DENND2A: variants seen among roughly 807,000 people sequenced by gnomAD.
The protein encoded by DENND2A is DENN domain-containing protein 2A.
Under a neutral mutation model 105.3 loss-of-function variants are expected in DENND2A, and 53 were observed. The observed-to-expected ratio is 0.50, with a 90% CI of 0.40 to 0.63. DENND2A has a LOEUF of 0.63. Among genes scored for constraint, DENND2A ranks in the 30% least tolerant of loss-of-function variants. The pLI is 0.00. For missense variants in DENND2A, 1,138 were observed against 1,279.6 expected (o/e 0.89, Z 1.69); for synonymous variants, 522 against 508.4 (o/e 1.03, Z -0.36).
At chr7:140,628,602 C>T (rs985837944) in intron 1 of DENND2A, among the ~76,000 whole-genome samples, 9 of 143,822 alleles carry the variant, frequency 6.3e-5, no homozygotes, top group East Asian at 2.0e-4. Flanking sequence ...TGCAGTGGCG[C>T]GATCTCAGCT....
intron 16 of DENND2A, among the ~76,000 whole-genome samples, chr7:140,524,160 G>A (rs1795961564): frequency 6.6e-6 from 1 of 152,130 alleles, no homozygotes; most frequent in Admixed American, 6.5e-5. Context: ...GGCCTACCCT[G>A]TGGGCCTTGA....
At chr7:140,571,128 TG>T (rs1188142766) in intron 6 of DENND2A, among the ~76,000 whole-genome samples, 1 of 152,006 alleles carries the variant, frequency 6.6e-6, no homozygotes, top group Non-Finnish European at 1.5e-5. Context: ...AAATATAGGA[TG>T]GTAATCAATT....
intron 1 of DENND2A, among the ~76,000 whole-genome samples, chr7:140,618,833 T>G (rs543972872): frequency 6.6e-6 from 1 of 152,150 alleles, no homozygotes; most frequent in Non-Finnish European, 1.5e-5. Context: ...AGACGGAGTC[T>G]TGCTCTGTCG....
In DENND2A at chr7:140,523,910, CCCA is replaced by C. The variant is rs1374130070; in HGVS notation, c.2548-489_2548-487del. Among the ~76,000 whole-genome samples the C allele has an allele frequency of 3.9e-5, 6 of 152,118 alleles. No homozygotes were observed. Among genetic ancestry groups the C allele is most frequent in the African/African-American group, 1.4e-4 (6 of 41,388 alleles). ...TACAAGCAACGGGAGCCTCGTTTTC[CCCA>C]CTTGTAAAATGGACTACCAATCAAT... On this transcript the variant is annotated intron_variant, in intron 16 of 19. Coordinates refer to ENST00000496613, the MANE Select transcript of DENND2A (RefSeq NM_015689.5). The surrounding 1 kb of genome is among the most constrained non-coding windows in gnomAD (Gnocchi z 4.5).
intron 18 of DENND2A, among the ~76,000 whole-genome samples, chr7:140,520,609 A>T (rs1311334366): frequency 6.7e-6 from 1 of 150,184 alleles, no homozygotes; most frequent in Admixed American, 6.6e-5. Flanking sequence ...CCCAGGCTGG[A>T]GTGTAATGGT....
At chr7:140,564,296 A>ACAC (rs11407278) in intron 9 of DENND2A, among the ~76,000 whole-genome samples, 155 of 142,022 alleles carry the variant, frequency 1.1e-3, no homozygotes, top group African/African-American at 2.3e-3. Context: ...AAAAAAAAAA[A>ACAC]ATACACACAC....
At chr7:140,548,135 A>C (rs1796980140) in intron 12 of DENND2A, among the ~76,000 whole-genome samples, 1 of 152,136 alleles carries the variant, frequency 6.6e-6, no homozygotes, top group South Asian at 2.1e-4. Flanking sequence ...TAGGTCGCCC[A>C]GGCTTGCCTT....
intron 3 of DENND2A, among the ~76,000 whole-genome samples, chr7:140,594,751 C>T (rs1269266937): frequency 6.6e-6 from 1 of 152,152 alleles, no homozygotes; most frequent in Non-Finnish European, 1.5e-5. Flanking sequence ...TTTATTTTCG[C>T]TCTGTCGCCA....
chr7:140,607,679 C>G (rs560107739), intron 1 of DENND2A, among the ~76,000 whole-genome samples: 1 of 152,328 alleles, frequency 6.6e-6, no homozygotes, highest in East Asian at 1.9e-4. Flanking sequence ...TCTGGAGTCC[C>G]TCCACTTGGC....
chr7:140,560,442 T>A (rs984765571), intron 9 of DENND2A, among the ~76,000 whole-genome samples: 2 of 152,166 alleles, frequency 1.3e-5, no homozygotes. Context: ...GATCTTAATC[T>A]TTTTTTCCTC....
At chr7:140,597,031 G>A (rs1395368551) in intron 3 of DENND2A, among the ~76,000 whole-genome samples, 1 of 151,746 alleles carries the variant, frequency 6.6e-6, no homozygotes, top group African/African-American at 2.4e-5. Flanking sequence ...AATTTCCTGG[G>A]GCTTTAAAGA....
chr7:140,518,606 C>T lies in DENND2A; in HGVS notation c.*101G>A, dbSNP rs1795741701. The T allele has an allele frequency of 7.5e-7, 1 of 1,334,534 alleles. No individual in the cohort carries two copies. The highest frequency in any genetic ancestry group is 1.1e-6 in the Non-Finnish European group (1 of 941,976). The allele number at this position is 1,334,534 out of a possible 1,614,324, so 82.7% of individuals were successfully genotyped here. A position where few individuals can be genotyped will look rare whatever the true frequency, so the allele number is the denominator to read the frequency against. On this transcript the variant is annotated 3_prime_UTR_variant, in exon 20 of 20. Coordinates refer to ENST00000496613, the MANE Select transcript of DENND2A (RefSeq NM_015689.5). ...GAAGCCACCGCGGCCTCCAGTTCCG[C>T]ACCGTGACAACCTGGGACCCAGCCT...
intron 9 of DENND2A, among the ~76,000 whole-genome samples, chr7:140,566,386 A>G (rs1797836646): frequency 6.6e-6 from 1 of 152,122 alleles, no homozygotes; most frequent in Admixed American, 6.6e-5. Flanking sequence ...CTCGCCCTGA[A>G]TTCTTTCTTG....
In DENND2A at chr7:140,602,486, G is replaced by A; in HGVS notation, c.-89C>T. Reference sequence around the variant, plus strand: ...ATCAGTCTCTAGGAATGGAATGGAGGACTAAAGTGGATGCCTTCGAGGGTC... The same window carrying A: ...ATCAGTCTCTAGGAATGGAATGGAGAACTAAAGTGGATGCCTTCGAGGGTC... On this transcript the variant is annotated 5_prime_UTR_variant, in exon 3 of 20. Coordinates refer to ENST00000496613, the MANE Select transcript of DENND2A (RefSeq NM_015689.5). 1.7e-5 allele frequency: 24 copies of A among 1,390,776 alleles called. No homozygotes were observed. Among genetic ancestry groups the A allele is most frequent in the Non-Finnish European group, 2.2e-5 (23 of 1,053,566 alleles). 86.2% of individuals were successfully genotyped at this position (1,390,776 alleles called of 1,614,324 possible).
intron 3 of DENND2A, among the ~76,000 whole-genome samples, chr7:140,599,319 T>C (rs1799396420): frequency 6.6e-6 from 1 of 151,868 alleles, no homozygotes; most frequent in Admixed American, 6.6e-5. Context: ...GCCTGGGCGA[T>C]ACTCTGTCTC....
intron 13 of DENND2A, among the ~76,000 whole-genome samples, chr7:140,546,416 TCAAAAA>T (rs1397316504): frequency 2.0e-5 from 3 of 152,104 alleles, no homozygotes; most frequent in Admixed American, 6.6e-5. Context: ...AGACTTTGTC[TCAAAAA>T]CAAAAACAAA....
At chr7:140,598,273 G>A (rs1799357305) in intron 3 of DENND2A, among the ~76,000 whole-genome samples, 1 of 149,022 alleles carries the variant, frequency 6.7e-6, no homozygotes, top group Non-Finnish European at 1.5e-5. Flanking sequence ...CTAATCTCTA[G>A]TCCTAATTTT....
intron 9 of DENND2A, among the ~76,000 whole-genome samples, chr7:140,565,464 T>G (rs1797801488): frequency 6.6e-6 from 1 of 152,212 alleles, no homozygotes. Flanking sequence ...CAATATATTC[T>G]TAGTAAATTC....
chr7:140,622,107 T>C (rs909807503), intron 1 of DENND2A, among the ~76,000 whole-genome samples: 2 of 152,186 alleles, frequency 1.3e-5, no homozygotes, highest in African/African-American at 4.8e-5. Context: ...TTTAAATTTT[T>C]AAATTTTGTG....
Sources: gnomAD v4.1 joint callset for allele counts (sites outside exome capture counted in the v4.1 genomes callset) on GRCh38, gnomAD v4.1.1 for gene constraint, Gnocchi (gnomAD v3.1) non-coding constraint, MANE v1.5 for transcripts, NCBI Gene and HGNC (gene_info 2026-07-23, HGNC 2026-07-21) for gene names.